DDX20: variants seen among roughly 807,000 people sequenced by gnomAD.
DDX20 encodes the protein probable ATP-dependent RNA helicase DDX20.
Under a neutral mutation model 76.4 loss-of-function variants are expected in DDX20, and 61 were observed. The observed-to-expected ratio is 0.80, with a 90% CI of 0.65 to 0.99. DDX20 has a LOEUF of 0.99. Ranked by LOEUF, DDX20 falls within the 50% of genes least tolerant of loss-of-function variation. DDX20 has a pLI of 0.00. For missense variants in DDX20, 976 were observed against 996.8 expected, an observed-to-expected ratio of 0.98 and a Z score of 0.28; for synonymous variants, 357 against 357.4, an observed-to-expected ratio of 1.00 and a Z score of 0.01.
In DDX20 at chr1:111,759,383, T is replaced by A. The variant is rs766587792; in HGVS notation, c.397-17T>A. 6.3e-7 allele frequency: 1 copy of A among 1,591,878 alleles called. No individual in the cohort carries two copies. The highest frequency in any genetic ancestry group is 8.6e-7 in the Non-Finnish European group (1 of 1,169,128). ...TATTCCTCTGACTCAAAGGTGTAAT[T>A]TATGGTTTTTTTTTAGATTTTGATC... is the stretch of plus-strand genomic sequence containing the variant. On this transcript the variant is annotated splice_polypyrimidine_tract_variant and intron_variant, in intron 2 of 10. Coordinates refer to ENST00000369702, the MANE Select transcript of DDX20 (RefSeq NM_007204.5).
chr1:111,759,659 C>A, intron 3 of DDX20, 91 bp downstream of exon 3: 1 of 1,291,294 alleles, frequency 7.7e-7, no homozygotes, highest in South Asian at 1.4e-5. Flanking sequence ...TCTTTGATAA[C>A]TGTGATAATT....
At position 111,755,950 on chromosome 1, in the gene DDX20, G is replaced by A. The variant is rs1663534544; in HGVS notation, c.26G>A (p.Gly9Glu). ...ATGGCGGCGGCATTTGAAGCCTCGG[G>A]AGCCTTAGCAGCAGTGGCGACTGCT... MAAAFEAS[G>E]ALAAVATAMP... Residue 9 changes from glycine (G) to glutamate (E), a missense_variant, in exon 1 of 11, where the codon GGA becomes GAA. Gly to Glu is a moderately conservative substitution (Grantham distance 98). Around this residue, in one of 3 missense-constraint regions of DDX20, gnomAD observed 343 missense variants for 286.4 expected, o/e 1.20. Coordinates refer to ENST00000369702, the MANE Select transcript of DDX20 (RefSeq NM_007204.5). 1.3e-6 allele frequency: 2 copies of A among 1,587,024 alleles called. No individual in the cohort carries two copies. Among genetic ancestry groups the A allele is most frequent in the Non-Finnish European group, 1.7e-6 (2 of 1,162,080 alleles).
chr1:111,766,458 T>C lies in DDX20; in HGVS notation c.2034T>C (p.Ser678=), dbSNP rs774236413. The C allele has an allele frequency of 1.4e-5, 23 of 1,614,082 alleles. No homozygotes were observed. The highest frequency in any genetic ancestry group is 6.7e-5 in the Admixed American group (4 of 59,998). The change falls in exon 11 of 11, where the codon TCT becomes TCC. Residue 678 remains serine, a synonymous_variant. Coordinates refer to ENST00000369702, the MANE Select transcript of DDX20 (RefSeq NM_007204.5). ...ATAAGTCATACTTGGAAGGCTCTTC[T>C]GATAATCAGCTGAAAGACTCTGAAT... ...KGNKSYLEGS[S]DNQLKDSEST... is the part of the protein sequence containing the mutation.
chr1:111,765,002 A>G (rs2101425186), intron 10 of DDX20, among the ~76,000 whole-genome samples: 1 of 152,372 alleles, frequency 6.6e-6, no homozygotes, highest in South Asian at 2.1e-4. Context: ...CATGGAGCAT[A>G]AATAGCAACA....
chr1:111,767,517 CT>C lies in DDX20; in HGVS notation c.*622del, dbSNP rs1663807230. 6.6e-6 allele frequency: 1 copy of C among 152,130 alleles called. No homozygotes were observed. The highest frequency in any genetic ancestry group is 1.5e-5 in the Non-Finnish European group (1 of 68,046). 9.4% of individuals were successfully genotyped at this position (152,130 alleles called of 1,614,324 possible). A position where few individuals can be genotyped will look rare whatever the true frequency, so the allele number is the denominator to read the frequency against. Reference sequence around the variant, plus strand: ...TGTTTGTTGTTTATCTTTTGAATGTCTTTTGAGGCTGTGAAAGCTGTCCACA... The same window carrying C: ...TGTTTGTTGTTTATCTTTTGAATGTCTTTGAGGCTGTGAAAGCTGTCCACA... On this transcript the variant is annotated 3_prime_UTR_variant, in exon 11 of 11. Transcript: ENST00000369702.
At chr1:111,763,084 C>T in intron 10 of DDX20, 77 bp downstream of exon 10, 1 of 1,180,334 alleles carries the variant, frequency 8.5e-7, no homozygotes, top group Non-Finnish European at 1.2e-6. Flanking sequence ...TAATAGCTAA[C>T]AGAGTGCTTA....
At chr1:111,759,740 C>A (rs1172094714) in intron 3 of DDX20, among the ~76,000 whole-genome samples, 172 bp downstream of exon 3, 1 of 151,758 alleles carries the variant, frequency 6.6e-6, no homozygotes, top group South Asian at 2.1e-4. Context: ...TTTGGGAGGC[C>A]GAGGCGGGCG....
At chr1:111,760,950 A>G (rs770577061) in intron 5 of DDX20, 37 bp from the exon 6 acceptor site, 115 of 1,607,002 alleles carry the variant, frequency 7.2e-5, no homozygotes, top group Non-Finnish European at 9.5e-5. Context: ...TACCATTAGC[A>G]TATATATTTG....
In DDX20 at chr1:111,761,023, C is replaced by A; in HGVS notation, c.860C>A (p.Pro287His). 6.2e-7 allele frequency: 1 copy of A among 1,613,942 alleles called. No individual in the cohort carries two copies. The highest frequency in any genetic ancestry group is 8.5e-7 in the Non-Finnish European group (1 of 1,179,908). The stretch of plus-strand genomic sequence containing the variant: ...TATTACAAAGTTGTCAATTCATACC[C>A]TTTGGCACATAAGGTTTTTGAGGAA... ...KQYYKVVNSYPLAHKVFEEKT... is the reference protein window; with the variant it reads ...KQYYKVVNSYHLAHKVFEEKT... The change falls in exon 6 of 11, where the codon CCT becomes CAT. Residue 287 changes from proline to histidine, a missense_variant. Coordinates refer to ENST00000369702, the MANE Select transcript of DDX20 (RefSeq NM_007204.5).
In DDX20 at chr1:111,762,347, C is replaced by T. The variant is rs758014198; in HGVS notation, c.1104+10C>T. Reference sequence around the variant, plus strand: ...CATTTCCACAGATTTGGTAAATTTCCTATTCAGTTTGGGTGACTAATCCAT... The same window carrying T: ...CATTTCCACAGATTTGGTAAATTTCTTATTCAGTTTGGGTGACTAATCCAT... On this transcript the variant is annotated intron_variant, in intron 8 of 10. Coordinates refer to ENST00000369702, the MANE Select transcript of DDX20 (RefSeq NM_007204.5). 1 of 1,609,290 alleles carries T rather than the reference C, an allele frequency of 6.2e-7. No individual in the cohort carries two copies. Among genetic ancestry groups the T allele is most frequent in the East Asian group, 2.2e-5 (1 of 44,762 alleles).
intron 10 of DDX20, among the ~76,000 whole-genome samples, chr1:111,765,132 A>G (rs772983907): frequency 2.0e-5 from 3 of 152,238 alleles, no homozygotes; most frequent in Non-Finnish European, 4.4e-5. Context: ...ATGGAATAGA[A>G]AATTTAGAGG....
At chr1:111,756,264 GGGAGAA>G in intron 1 of DDX20, 39 bp downstream of exon 1, 3 of 1,187,746 alleles carry the variant, frequency 2.5e-6, no homozygotes, top group Non-Finnish European at 3.3e-6. Flanking sequence ...GGGGTGGGGT[GGGAGAA>G]GGGGGACCGA....
intron 1 of DDX20, 51 bp from the exon 2 acceptor site, chr1:111,756,595 A>G: frequency 6.7e-7 from 1 of 1,490,830 alleles, no homozygotes; most frequent in African/African-American, 1.4e-5. Context: ...GTTAGCCCCT[A>G]AGTTGCTTCA....
Position 111,765,968 on chromosome 1 carries a change from A to C in DDX20, c.1544A>C (p.Lys515Thr). ...SVKSKNNTKQ[K>T]LPVKSHSECG... is the part of the protein sequence containing the mutation. ...AAATCAAAAAATAATACCAAACAAAAGCTTCCTGTGAAAAGCCACTCAGAA... is the reference window on the plus strand; with the variant it reads ...AAATCAAAAAATAATACCAAACAAACGCTTCCTGTGAAAAGCCACTCAGAA... The change falls in exon 11 of 11, where the codon AAG becomes ACG. Residue 515 changes from lysine to threonine, a missense_variant. Lys to Thr is a moderately conservative substitution (Grantham distance 78, BLOSUM62 -1). This residue lies in a region of DDX20 where 630 missense variants were observed against 693.7 expected (regional missense o/e 0.91). Transcript: ENST00000369702. 1 of 1,613,684 alleles carries C rather than the reference A, an allele frequency of 6.2e-7. No homozygotes were observed. The highest frequency in any genetic ancestry group is 8.5e-7 in the Non-Finnish European group (1 of 1,179,918).
Position 111,766,460 on chromosome 1 carries a change from A to T in DDX20, c.2036A>T (p.Asp679Val). 1 of 1,614,170 alleles carries T rather than the reference A, an allele frequency of 6.2e-7. No individual in the cohort carries two copies. Reference protein sequence around the residue: ...GNKSYLEGSSDNQLKDSESTP... With the variant: ...GNKSYLEGSSVNQLKDSESTP... The stretch of plus-strand genomic sequence containing the variant: ...AAGTCATACTTGGAAGGCTCTTCTG[A>T]TAATCAGCTGAAAGACTCTGAATCT... The change falls in exon 11 of 11, where the codon GAT (aspartate) becomes GTT (valine). Residue 679 changes from aspartate (D) to valine (V), a missense_variant. Asp to Val is a radical substitution (Grantham distance 152). Coordinates refer to ENST00000369702, the MANE Select transcript of DDX20 (RefSeq NM_007204.5).
At chr1:111,759,626 A>AT in intron 3 of DDX20, 58 bp downstream of exon 3, 1 of 1,462,598 alleles carries the variant, frequency 6.8e-7, no homozygotes, top group Non-Finnish European at 9.4e-7. Context: ...CACTTTTAAT[A>AT]TAACAATAAA....
rs748866428 is a variant in DDX20, at chr1:111,756,206, G to C, written c.282G>C (p.Pro94=). ...RPSPVQLKAI[P]LGRCGLDLIV... is the part of the protein sequence containing the mutation. ...CGCCGGTGCAGCTCAAGGCCATCCCGTTGGGGCGCTGCGGGCTCGGTGAGA... is the reference window on the plus strand; with the variant it reads ...CGCCGGTGCAGCTCAAGGCCATCCCCTTGGGGCGCTGCGGGCTCGGTGAGA... Residue 94 remains proline (P), a synonymous_variant, in exon 1 of 11, where the codon CCG becomes CCC. Coordinates refer to ENST00000369702, the MANE Select transcript of DDX20 (RefSeq NM_007204.5). 6.8e-7 allele frequency: 1 copy of C among 1,464,060 alleles called. No individual in the cohort carries two copies. The highest frequency in any genetic ancestry group is 1.3e-5 in the South Asian group (1 of 75,050). The allele number at this position is 1,464,060 out of a possible 1,614,324, so 90.7% of individuals were successfully genotyped here.
chr1:111,756,149 G>A lies in DDX20; in HGVS notation c.225G>A (p.Glu75=). 6.4e-7 allele frequency: 1 copy of A among 1,565,262 alleles called. No homozygotes were observed. Among genetic ancestry groups the A allele is most frequent in the Non-Finnish European group, 8.6e-7 (1 of 1,163,664 alleles). ...ESLLLSRPVL[E]GLRAAGFERP... Reference sequence around the variant, plus strand: ...TGCTGCTTTCGCGGCCGGTGCTGGAGGGGCTGCGGGCGGCCGGCTTCGAGA... The same window carrying A: ...TGCTGCTTTCGCGGCCGGTGCTGGAAGGGCTGCGGGCGGCCGGCTTCGAGA... The change falls in exon 1 of 11, where the codon GAG becomes GAA. Residue 75 remains glutamate (E), a synonymous_variant. Transcript: ENST00000369702.
intron 1 of DDX20, 38 bp downstream of exon 1, chr1:111,756,263 T>A: frequency 2.0e-6 from 1 of 509,908 alleles, no homozygotes; most frequent in Non-Finnish European, 2.7e-6. Flanking sequence ...GGGGGTGGGG[T>A]GGGAGAAGGG....
Sources: allele counts gnomAD v4.1 joint callset (sites outside exome capture counted in the v4.1 genomes callset), GRCh38; gene constraint gnomAD v4.1.1; regional missense constraint gnomAD v4.1.1; transcripts MANE v1.5; gene names NCBI Gene and HGNC (gene_info 2026-07-23, HGNC 2026-07-21).